The following MLLT3 variants were observed in gnomAD, a reference collection of about 807,000 sequenced individuals.
MLLT3 encodes MLLT3 super elongation complex subunit, also known as protein AF-9.
MLLT3 carries 4 observed loss-of-function variants against 53.2 expected under a neutral mutation model. That is an observed-to-expected ratio of 0.08 (90% CI 0.04 to 0.17). The LOEUF (loss-of-function observed/expected upper bound fraction) is 0.17. Among genes scored for constraint, MLLT3 ranks in the 10% least tolerant of loss-of-function variants. The probability of loss-of-function intolerance (pLI) is 1.00; values close to 1 mark genes in which losing one functional copy is unlikely to be tolerated. For synonymous variants in MLLT3, 283 were observed against 230.6 expected (o/e 1.23, Z -2.06); for missense variants, 569 against 684.0 (o/e 0.83, Z 1.87).
chr9:20,428,276 A>G (rs77919386), intron 4 of MLLT3, among the ~76,000 whole-genome samples: 4,915 of 152,220 alleles, frequency 0.032, 246 homozygotes, highest in African/African-American at 0.11. Context: ...TTTATAGATT[A>G]ACACAAACTG....
At chr9:20,608,465 G>C (rs1411008833) in intron 2 of MLLT3, among the ~76,000 whole-genome samples, 1 of 151,836 alleles carries the variant, frequency 6.6e-6, no homozygotes, top group Non-Finnish European at 1.5e-5. Context: ...CTGTTACCAA[G>C]ACTATCCTAT....
chr9:20,429,584 C>T (rs1475553933), intron 4 of MLLT3, among the ~76,000 whole-genome samples: 1 of 152,012 alleles, frequency 6.6e-6, no homozygotes, highest in Admixed American at 6.6e-5. Flanking sequence ...AGACCAAAAC[C>T]ACATTGGGTT....
chr9:20,508,732 G>C (rs540975027), intron 2 of MLLT3, among the ~76,000 whole-genome samples: 3 of 152,046 alleles, frequency 2.0e-5, no homozygotes, highest in Non-Finnish European at 4.4e-5. Flanking sequence ...AAAAAGATTT[G>C]ACATGTTCAC....
At chr9:20,389,984 T>C (rs1025702471) in intron 5 of MLLT3, among the ~76,000 whole-genome samples, 1 of 152,244 alleles carries the variant, frequency 6.6e-6, no homozygotes, top group Non-Finnish European at 1.5e-5. Context: ...AATTAAGTTA[T>C]GTATACTTTA....
rs1820841782 is a variant in MLLT3, at chr9:20,345,465, G to GC, written c.*977_*978insG. On this transcript the variant is annotated 3_prime_UTR_variant, in exon 11 of 11. Coordinates refer to ENST00000380338, the MANE Select transcript of MLLT3 (RefSeq NM_004529.4). ...ATCCAAATTAAGAATTTCTACAACA[G>GC]TTTTTTTTTTTAGAAAACAGGACCA... 1.1e-5 allele frequency: 2 copies of GC among 188,814 alleles called. No individual in the cohort carries two copies. The highest frequency in any genetic ancestry group is 1.7e-4 in the East Asian group (2 of 11,546). 11.7% of individuals were successfully genotyped at this position (188,814 alleles called of 1,614,324 possible).
At chr9:20,528,393 G>A (rs1818253429) in intron 2 of MLLT3, among the ~76,000 whole-genome samples, 1 of 152,224 alleles carries the variant, frequency 6.6e-6, no homozygotes, top group South Asian at 2.1e-4. Flanking sequence ...ACAGGAAAGT[G>A]GCTATATTAG....
chr9:20,586,256 G>A (rs1162192646), intron 2 of MLLT3, among the ~76,000 whole-genome samples: 2 of 152,020 alleles, frequency 1.3e-5, no homozygotes, highest in Non-Finnish European at 2.9e-5. Context: ...GATGGTCAAG[G>A]CTGCAGTGAA....
rs757467591 is a variant in MLLT3 at position 20,414,298 on chromosome 9, C to T, written c.548G>A (p.Ser183Asn). Residue 183 changes from serine (S) to asparagine (N), a missense_variant, in exon 5 of 11, where the codon AGC (serine) becomes AAC (asparagine). By Grantham distance (46) the Ser-to-Asn change is conservative. This residue lies in a region of MLLT3 where 437 missense variants were observed against 376.5 expected (regional missense o/e 1.16). Coordinates refer to ENST00000380338, the MANE Select transcript of MLLT3 (RefSeq NM_004529.4). ...SSSSSSSSSS[S>N]SSSSSSSTSF... ...GGTACTACTGCTGCTGCTGCTGCTG[C>T]TACTGCTGCTGCTACTGCTGCTGCT... The T allele has an allele frequency of 3.7e-6, 6 of 1,610,322 alleles. No homozygotes were observed. Among genetic ancestry groups the T allele is most frequent in the Non-Finnish European group, 4.2e-6 (5 of 1,178,438 alleles).
intron 2 of MLLT3, among the ~76,000 whole-genome samples, chr9:20,464,567 T>A (rs534785553): frequency 2.8e-4 from 42 of 151,980 alleles, no homozygotes; most frequent in Non-Finnish European, 4.7e-4. Flanking sequence ...GTTATGATAA[T>A]AAAACAGACT....
chr9:20,601,796 T>A (rs1820428959), intron 2 of MLLT3, among the ~76,000 whole-genome samples: 1 of 152,206 alleles, frequency 6.6e-6, no homozygotes, highest in Non-Finnish European at 1.5e-5. Context: ...TTTAACTTTT[T>A]CTTTTCTCTT....
At position 20,413,907 on chromosome 9, in the gene MLLT3, T is replaced by C. The variant is rs1252586246; in HGVS notation, c.939A>G (p.Ala313=). Residue 313 remains alanine, a synonymous_variant, in exon 5 of 11, where the codon GCA becomes GCG. Coordinates refer to ENST00000380338, the MANE Select transcript of MLLT3 (RefSeq NM_004529.4). The part of the protein sequence containing the change: ...SEALFKSFSS[A]PPLILTCSAD... ...CAGAACAAGTGAGTATCAGTGGTGG[T>C]GCGCTAGAAAAACTTTTAAATAAAG... is the stretch of plus-strand genomic sequence containing the variant. 1 of 1,613,662 alleles carries C rather than the reference T, an allele frequency of 6.2e-7. No homozygotes were observed. Among genetic ancestry groups the C allele is most frequent in the Admixed American group, 1.7e-5 (1 of 59,878 alleles).
chr9:20,548,029 G>C (rs974218952), intron 2 of MLLT3, among the ~76,000 whole-genome samples: 3 of 152,168 alleles, frequency 2.0e-5, no homozygotes, highest in African/African-American at 4.8e-5. Flanking sequence ...ATTTTCATTT[G>C]ACTACTTGAC....
At chr9:20,573,040 T>C (rs1819570332) in intron 2 of MLLT3, among the ~76,000 whole-genome samples, 1 of 152,196 alleles carries the variant, frequency 6.6e-6, no homozygotes, top group Admixed American at 6.5e-5. Flanking sequence ...ATGAAATCAT[T>C]TGGTTTATTC....
At chr9:20,602,186 G>T (rs1279872810) in intron 2 of MLLT3, among the ~76,000 whole-genome samples, 1 of 152,026 alleles carries the variant, frequency 6.6e-6, no homozygotes, top group African/African-American at 2.4e-5. Flanking sequence ...CCGCTAACTC[G>T]TATGGCTATT....
intron 5 of MLLT3, among the ~76,000 whole-genome samples, chr9:20,400,546 T>C (rs1401782559): frequency 6.6e-6 from 1 of 152,122 alleles, no homozygotes; most frequent in East Asian, 1.9e-4. Context: ...TATTAAAATA[T>C]CTATAAATGA....
chr9:20,570,228 G>A (rs181761357), intron 2 of MLLT3, among the ~76,000 whole-genome samples: 119 of 152,178 alleles, frequency 7.8e-4, no homozygotes, highest in African/African-American at 2.7e-3. Flanking sequence ...AAAACTGCAT[G>A]AGCAGCCAGA....
In MLLT3 at chr9:20,622,399, T is replaced by C; in HGVS notation, c.-143A>G. On this transcript the variant is annotated 5_prime_UTR_variant, in exon 1 of 11. Coordinates refer to ENST00000380338, the MANE Select transcript of MLLT3 (RefSeq NM_004529.4). ...GTAGATGGCGGACATTCTCTGCCTT[T>C]TTCCCCCCGCGCTCGCTTGCTCGCT... The C allele has an allele frequency of 2.7e-6, 2 of 743,714 alleles. 1 individual carries two copies. Among genetic ancestry groups the C allele is most frequent in the South Asian group, 4.3e-5 (2 of 46,692 alleles). The allele number at this position is 743,714 out of a possible 1,614,324, so 46.1% of individuals were successfully genotyped here. A position where few individuals can be genotyped will look rare whatever the true frequency, so the allele number is the denominator to read the frequency against.
chr9:20,428,647 G>C (rs1224562190), intron 4 of MLLT3, among the ~76,000 whole-genome samples: 1 of 151,926 alleles, frequency 6.6e-6, no homozygotes, highest in East Asian at 1.9e-4. Flanking sequence ...TCAAGCAAAA[G>C]AAAGACTACA....
chr9:20,404,520 A>AT (rs1586923359), intron 5 of MLLT3, among the ~76,000 whole-genome samples: 1 of 152,022 alleles, frequency 6.6e-6, no homozygotes, highest in South Asian at 2.1e-4. Flanking sequence ...TTAGTTTTTG[A>AT]TTTTGAAACG....
Sources: gnomAD v4.1 joint callset for allele counts (sites outside exome capture counted in the v4.1 genomes callset) on GRCh38, gnomAD v4.1.1 for gene constraint, gnomAD v4.1.1 regional missense constraint, MANE v1.5 for transcripts, NCBI Gene and HGNC (gene_info 2026-07-23, HGNC 2026-07-21) for gene names.